Variants in PPARGC1A observed in about 807,000 individuals in gnomAD.
PPARGC1A encodes the protein peroxisome proliferator-activated receptor gamma coactivator 1-alpha.
Under a neutral mutation model 88.7 loss-of-function variants are expected in PPARGC1A, and 25 were observed. That is an observed-to-expected ratio of 0.28 (90% CI 0.21 to 0.39). The LOEUF (loss-of-function observed/expected upper bound fraction) is 0.39, where lower values mean the gene tolerates loss of function less well. PPARGC1A is among the 10% of genes least tolerant of loss of function. The probability of loss-of-function intolerance (pLI) is 1.00; values close to 1 mark genes in which losing one functional copy is unlikely to be tolerated. For missense variants in PPARGC1A, 880 were observed against 968.7 expected (o/e 0.91, Z 1.22); for synonymous variants, 363 against 355.6 (o/e 1.02, Z -0.24).
the PPARGC1A span, among the ~76,000 whole-genome samples, chr4:24,000,375 G>C: frequency 1.3e-5 from 2 of 152,034 alleles, no homozygotes; most frequent in Non-Finnish European, 2.9e-5. Flanking sequence ...CTTCACACTG[G>C]TCTCACTTTA....
rs575727379 is a variant in PPARGC1A, at chr4:23,877,495, GC to G, written c.234+7256del. Among the ~76,000 whole-genome samples the G allele has an allele frequency of 2.5e-4, 31 of 123,904 alleles. No individual in the cohort carries two copies. In the East Asian group the frequency reaches 3.1e-3, roughly 13 times the overall value. 81.3% of individuals were successfully genotyped at this position (123,904 alleles called of 152,430 possible). On this transcript the variant is annotated intron_variant, in intron 2 of 12. Coordinates refer to ENST00000264867, the MANE Select transcript of PPARGC1A (RefSeq NM_013261.5). ...GGAGGTTGCAGTGAGCTGAGATCTTGCCATTGCACTCCAGCCTGGGCGACAG... is the reference window on the plus strand; with the variant it reads ...GGAGGTTGCAGTGAGCTGAGATCTTGCATTGCACTCCAGCCTGGGCGACAG...
chr4:24,318,841 C>T, the PPARGC1A span, among the ~76,000 whole-genome samples: 2 of 152,102 alleles, frequency 1.3e-5, no homozygotes, highest in Non-Finnish European at 2.9e-5. Context: ...AAACAGATAA[C>T]AAAATACAAC....
At chr4:23,980,698 G>A in the PPARGC1A span, among the ~76,000 whole-genome samples, 6 of 152,176 alleles carry the variant, frequency 3.9e-5, no homozygotes, top group East Asian at 3.9e-4. Context: ...ATTTGGAGCC[G>A]GCCACAGACT....
At chr4:24,259,258 G>A in the PPARGC1A span, among the ~76,000 whole-genome samples, 4 of 152,164 alleles carry the variant, frequency 2.6e-5, no homozygotes, top group Non-Finnish European at 5.9e-5. Context: ...ATCTCTCACT[G>A]TCTTCTCCTT....
the PPARGC1A span, among the ~76,000 whole-genome samples, chr4:23,911,441 C>T: frequency 6.6e-6 from 1 of 152,152 alleles, no homozygotes; most frequent in Non-Finnish European, 1.5e-5. Flanking sequence ...TGGTTTATGG[C>T]TATGACCTGA....
chr4:23,923,540 T>C, the PPARGC1A span, among the ~76,000 whole-genome samples: 1 of 151,790 alleles, frequency 6.6e-6, no homozygotes, highest in Non-Finnish European at 1.5e-5. Context: ...GTGGAGAAAC[T>C]ACTCAGTCAA....
the PPARGC1A span, among the ~76,000 whole-genome samples, chr4:24,451,135 T>A: frequency 3.3e-5 from 5 of 152,236 alleles, no homozygotes; most frequent in African/African-American, 1.2e-4. Flanking sequence ...TTATTTTGTT[T>A]AATCTGAAAT....
chr4:23,870,690 G>A (rs1390669634), intron 2 of PPARGC1A, among the ~76,000 whole-genome samples: 2 of 152,134 alleles, frequency 1.3e-5, no homozygotes, highest in Non-Finnish European at 2.9e-5. Flanking sequence ...CCATCTGAGG[G>A]AATTTTTCTG....
intron 2 of PPARGC1A, among the ~76,000 whole-genome samples, chr4:23,875,246 G>A (rs1488954431): frequency 6.6e-6 from 1 of 152,062 alleles, no homozygotes; most frequent in African/African-American, 2.4e-5. Context: ...TATAGAATTA[G>A]TTCTCCAGGA....
the PPARGC1A span, among the ~76,000 whole-genome samples, chr4:24,083,410 T>C: frequency 6.6e-6 from 1 of 152,172 alleles, no homozygotes; most frequent in Non-Finnish European, 1.5e-5. Flanking sequence ...CCAGTGCCTG[T>C]CACACCACAC....
chr4:23,836,144 G>A (rs988799482), intron 2 of PPARGC1A, among the ~76,000 whole-genome samples: 2 of 152,170 alleles, frequency 1.3e-5, no homozygotes, highest in African/African-American at 4.8e-5. Flanking sequence ...CTCCATCCGA[G>A]TTGGGGAAAA....
At chr4:23,910,362 T>TATTATATA in the PPARGC1A span, among the ~76,000 whole-genome samples, 347 of 102,564 alleles carry the variant, frequency 3.4e-3, 4 homozygotes, top group African/African-American at 0.014. Context: ...ATATATTATA[T>TATTATATA]ATATTATATT....
chr4:24,017,909 T>C, the PPARGC1A span, among the ~76,000 whole-genome samples: 3 of 152,204 alleles, frequency 2.0e-5, no homozygotes, highest in Non-Finnish European at 4.4e-5. Flanking sequence ...TATTCATAAA[T>C]GTGCTTTAGC....
chr4:24,212,965 C>A, the PPARGC1A span, among the ~76,000 whole-genome samples: 1 of 152,248 alleles, frequency 6.6e-6, no homozygotes, highest in East Asian at 1.9e-4. Flanking sequence ...TGATTAGAGA[C>A]GACAGCACCT....
At chr4:24,128,815 A>T in the PPARGC1A span, among the ~76,000 whole-genome samples, 1 of 152,176 alleles carries the variant, frequency 6.6e-6, no homozygotes, top group Non-Finnish European at 1.5e-5. Context: ...CCTAAATAGG[A>T]TTCGACTTCT....
At chr4:24,470,146 G>C in the PPARGC1A span, among the ~76,000 whole-genome samples, 1 of 152,064 alleles carries the variant, frequency 6.6e-6, no homozygotes, top group Admixed American at 6.6e-5. This position sits in a 1 kb window ranked among gnomAD's most constrained non-coding sequence, Gnocchi z 5.8. Flanking sequence ...TCCAGGACTG[G>C]GGGGCGCGGC....
intron 12 of PPARGC1A, among the ~76,000 whole-genome samples, chr4:23,796,362 C>G (rs747129424): frequency 2.6e-5 from 4 of 152,078 alleles, no homozygotes; most frequent in Non-Finnish European, 5.9e-5. Flanking sequence ...AGAATTTCCC[C>G]TAAACTTCAA....
At chr4:24,125,883 A>G in the PPARGC1A span, among the ~76,000 whole-genome samples, 1 of 152,186 alleles carries the variant, frequency 6.6e-6, no homozygotes, top group Non-Finnish European at 1.5e-5. Context: ...GGCTCCTCGA[A>G]TAAATAAGTA....
At chr4:24,339,210 GTGTATATATATATATA>G in the PPARGC1A span, among the ~76,000 whole-genome samples, 112 of 110,618 alleles carry the variant, frequency 1.0e-3, 1 homozygote, top group Middle Eastern at 4.3e-3. Context: ...GTGTGTGTGT[GTGTATATATATATATA>G]TATATATATA....
Sources: gnomAD v4.1 joint callset for allele counts (sites outside exome capture counted in the v4.1 genomes callset) on GRCh38, gnomAD v4.1.1 for gene constraint, Gnocchi (gnomAD v3.1) non-coding constraint, MANE v1.5 for transcripts, NCBI Gene and HGNC (gene_info 2026-07-23, HGNC 2026-07-21) for gene names.